Variants in CUL9 observed in about 807,000 individuals in gnomAD.
The protein encoded by CUL9 is cullin 9, also known as cullin-9.
CUL9 carries 79 observed loss-of-function variants against 272.6 expected under a neutral mutation model. The observed-to-expected ratio is 0.29, with a 90% CI of 0.24 to 0.35. CUL9 has a LOEUF of 0.35. Among genes scored for constraint, CUL9 ranks in the 10% least tolerant of loss-of-function variants. The pLI, the probability that CUL9 is intolerant of heterozygous loss-of-function variation, is 1.00. For synonymous variants in CUL9, 1,186 were observed against 1,286.5 expected (o/e 0.92, Z 1.67); for missense variants, 2,532 against 3,255.6 (o/e 0.78, Z 5.41).
intron 8 of CUL9, among the ~76,000 whole-genome samples, chr6:43,192,487 A>T (rs1773615992): frequency 6.6e-6 from 1 of 152,192 alleles, no homozygotes; most frequent in Non-Finnish European, 1.5e-5. Context: ...TCTGGGAAAC[A>T]TAGCGAAACC....
intron 31 of CUL9, among the ~76,000 whole-genome samples, chr6:43,217,704 C>T (rs1297833352): frequency 1.3e-5 from 2 of 152,236 alleles, no homozygotes; most frequent in Admixed American, 6.5e-5. Context: ...TCTCCTCTCA[C>T]ATAGTTGCTT....
Position 43,203,045 on chromosome 6 carries a change from A to G in CUL9, c.3754-64A>G. On this transcript the variant is annotated intron_variant, in intron 17 of 40. Coordinates refer to ENST00000252050, the MANE Select transcript of CUL9 (RefSeq NM_015089.4). This position sits in a 1 kb window ranked among gnomAD's most constrained non-coding sequence, Gnocchi z 5.0. ...ACCATGACCGACTTGGTTACTGTCA[A>G]CAATTTTTCCAACCTTGTTTCTGGA... is the stretch of plus-strand genomic sequence containing the variant. 6.3e-7 allele frequency: 1 copy of G among 1,575,416 alleles called. No homozygotes were observed. Among genetic ancestry groups the G allele is most frequent in the South Asian group, 1.1e-5 (1 of 90,154 alleles).
At chr6:43,209,237 C>T (rs12209579) in intron 26 of CUL9, among the ~76,000 whole-genome samples, 1 of 151,442 alleles carries the variant, frequency 6.6e-6, no homozygotes, top group African/African-American at 2.4e-5. Flanking sequence ...GCTCTGCCTC[C>T]CGGGTTCACA....
chr6:43,204,556 G>T lies in CUL9; in HGVS notation c.4339+17G>T. The stretch of plus-strand genomic sequence containing the variant: ...CTCGGCCCTGTAAGTCCCAGCTGTG[G>T]CCAGTGGAGCTGACTCTGCGGACAG... On this transcript the variant is annotated intron_variant, in intron 21 of 40. Coordinates refer to ENST00000252050, the MANE Select transcript of CUL9 (RefSeq NM_015089.4). 6.2e-7 allele frequency: 1 copy of T among 1,613,618 alleles called. No homozygotes were observed. The highest frequency in any genetic ancestry group is 8.5e-7 in the Non-Finnish European group (1 of 1,179,854).
Position 43,213,176 on chromosome 6 carries a change from G to A in CUL9, c.5240G>A (p.Gly1747Glu). ...QSQNHPVLDM[G>E]PHRRLQWTWL... ...CAGAACCATCCAGTCCTGGACATGGGACCACATCGGCGACTGCAGTGGACG... is the reference window on the plus strand; with the variant it reads ...CAGAACCATCCAGTCCTGGACATGGAACCACATCGGCGACTGCAGTGGACG... The change falls in exon 27 of 41, where the codon GGA becomes GAA. Residue 1747 changes from glycine (G) to glutamate (E), a missense_variant. Transcript: ENST00000252050. This position sits in a 1 kb window ranked among gnomAD's most constrained non-coding sequence, Gnocchi z 5.7. The A allele has an allele frequency of 1.2e-6, 2 of 1,614,120 alleles. No individual in the cohort carries two copies. Among genetic ancestry groups the A allele is most frequent in the South Asian group, 1.1e-5 (1 of 91,070 alleles).
chr6:43,222,577 T>C lies in CUL9; in HGVS notation c.6968T>C (p.Val2323Ala), dbSNP rs750686446. The C allele has an allele frequency of 1.2e-6, 2 of 1,613,540 alleles. No homozygotes were observed. The highest frequency in any genetic ancestry group is 1.3e-5 in the African/African-American group (1 of 74,878). The change falls in exon 37 of 41, where the codon GTG becomes GCG. Residue 2323 changes from valine to alanine, a missense_variant. Coordinates refer to ENST00000252050, the MANE Select transcript of CUL9 (RefSeq NM_015089.4). ...AACCGGGTGTCTGCCATCCATGAAGTGCCCCCGCCCAGATCCTTCACCTTC... is the reference window on the plus strand; with the variant it reads ...AACCGGGTGTCTGCCATCCATGAAGCGCCCCCGCCCAGATCCTTCACCTTC... ...LRNRVSAIHE[V>A]PPPRSFTFLN... is the part of the protein sequence containing the mutation.
At chr6:43,202,843 T>C (rs765917208) in intron 17 of CUL9, 22 bp downstream of exon 17, 3 of 1,596,416 alleles carry the variant, frequency 1.9e-6, no homozygotes, top group Admixed American at 3.3e-5. Flanking sequence ...TGTGCCCACC[T>C]TCACCTTGCT....
chr6:43,185,078 A>C (rs1772784484), intron 2 of CUL9, among the ~76,000 whole-genome samples, 173 bp downstream of exon 2: 2 of 152,266 alleles, frequency 1.3e-5, no homozygotes, highest in South Asian at 4.1e-4. Flanking sequence ...AAAGAGGCTA[A>C]AATGATAGCC....
Position 43,199,379 on chromosome 6 carries a change from A to C in CUL9, c.3156+8A>C. The C allele has an allele frequency of 6.2e-7, 1 of 1,607,822 alleles. No homozygotes were observed. The highest frequency in any genetic ancestry group is 8.5e-7 in the Non-Finnish European group (1 of 1,174,782). ...CCTAGCAGTGACTCCGAGGTACCAG[A>C]ACCCTGGCAAGGAGAAGAGAGGGAA... On this transcript the variant is annotated splice_region_variant and intron_variant, in intron 13 of 40. Transcript: ENST00000252050. This position sits in a 1 kb window ranked among gnomAD's most constrained non-coding sequence, Gnocchi z 4.4.
rs1164495025 is a variant in CUL9 at position 43,200,240 on chromosome 6, C to T, written c.3384+84C>T. On this transcript the variant is annotated intron_variant, in intron 14 of 40. Transcript: ENST00000252050. This position sits in a 1 kb window ranked among gnomAD's most constrained non-coding sequence, Gnocchi z 4.0. ...GATTCACTGTGTTCCTCTTTGGTAT[C>T]CCTGTTTGGCACAGGTTGTAGCAAA... is the stretch of plus-strand genomic sequence containing the variant. 4.8e-6 allele frequency: 7 copies of T among 1,460,956 alleles called. No homozygotes were observed. Among genetic ancestry groups the T allele is most frequent in the Non-Finnish European group, 6.6e-6 (7 of 1,060,956 alleles). 90.5% of individuals were successfully genotyped at this position (1,460,956 alleles called of 1,614,324 possible).
rs139797812 is a variant in CUL9 at position 43,205,157 on chromosome 6, C to G, written c.4632+42C>G. On this transcript the variant is annotated intron_variant, in intron 23 of 40. Transcript: ENST00000252050. The stretch of plus-strand genomic sequence containing the variant: ...CCCCACAGGGCTATAAGCTTGTGTT[C>G]CAAGTTCATCTCTTTCTGCTCTGCC... The G allele has an allele frequency of 3.8e-4, 604 of 1,574,068 alleles. 1 individual carries two copies. In the African/African-American group the frequency reaches 6.5e-3, roughly 17 times the overall value.
chr6:43,218,361 C>T lies in CUL9; in HGVS notation c.6282+1858C>T, dbSNP rs1776082283. Among the ~76,000 whole-genome samples the T allele has an allele frequency of 6.6e-6, 1 of 152,026 alleles. No homozygotes were observed. Among genetic ancestry groups the T allele is most frequent in the Non-Finnish European group, 1.5e-5 (1 of 67,994 alleles). ...CCTCCCGAGTAGCTGGGACTATAGG[C>T]GCCCGCCACCGCGCCCGGCTAATTT... is the stretch of plus-strand genomic sequence containing the variant. On this transcript the variant is annotated intron_variant, in intron 31 of 40. Coordinates refer to ENST00000252050, the MANE Select transcript of CUL9 (RefSeq NM_015089.4). The surrounding 1 kb of genome is among the most constrained non-coding windows in gnomAD (Gnocchi z 4.4).
Position 43,199,743 on chromosome 6 carries a change from A to C in CUL9, c.3157-186A>C, listed in dbSNP as rs535318702. ...GCTGTGCCCAAGCTCTGTTCTGCCA[A>C]CTCACTCTGGAGTCCCAGCACTCCT... On this transcript the variant is annotated intron_variant, in intron 13 of 40. Transcript: ENST00000252050. This position sits in a 1 kb window ranked among gnomAD's most constrained non-coding sequence, Gnocchi z 4.4. Among the ~76,000 whole-genome samples the C allele has an allele frequency of 1.7e-4, 26 of 152,150 alleles. No individual in the cohort carries two copies. In the South Asian group the frequency reaches 5.2e-3, roughly 30 times the overall value.
At chr6:43,189,583 A>T (rs542804888) in intron 8 of CUL9, among the ~76,000 whole-genome samples, 1 of 151,772 alleles carries the variant, frequency 6.6e-6, no homozygotes, top group East Asian at 2.0e-4. Flanking sequence ...TCACTCTGTC[A>T]CCCAGGCTAG....
At chr6:43,190,537 T>C (rs897501224) in intron 8 of CUL9, among the ~76,000 whole-genome samples, 1 of 152,134 alleles carries the variant, frequency 6.6e-6, no homozygotes. Context: ...TCAAGTGAGA[T>C]TGACAGAAAA....
At chr6:43,222,246 C>A in intron 35 of CUL9, 70 bp from the exon 36 acceptor site, 3 of 1,304,978 alleles carry the variant, frequency 2.3e-6, no homozygotes, top group Non-Finnish European at 3.3e-6. Flanking sequence ...TGAATGTTGG[C>A]TTTTCCACTT....
intron 26 of CUL9, among the ~76,000 whole-genome samples, chr6:43,210,999 T>C (rs952838498): frequency 6.6e-6 from 1 of 152,258 alleles, no homozygotes; most frequent in Non-Finnish European, 1.5e-5. Context: ...AATACCCTTG[T>C]ATTTTTAACC....
intron 31 of CUL9, among the ~76,000 whole-genome samples, chr6:43,217,175 G>A (rs2150634295): frequency 6.6e-6 from 1 of 152,230 alleles, no homozygotes; most frequent in Admixed American, 6.5e-5. Flanking sequence ...GGGCAACATG[G>A]CAAGACCCCG....
chr6:43,213,488 G>A lies in CUL9; in HGVS notation c.5409G>A (p.Leu1803=). ...LLKDSDLSPE[L]LLQALVPLTS... ...AGGATTCTGACCTCTCCCCAGAGCT[G>A]CTGCTCCAGGCACTCGTGCCCCTCA... Residue 1803 remains leucine, a synonymous_variant, in exon 28 of 41, where the codon CTG becomes CTA. Transcript: ENST00000252050. The surrounding 1 kb of genome is among the most constrained non-coding windows in gnomAD (Gnocchi z 5.7). The A allele has an allele frequency of 6.2e-7, 1 of 1,614,022 alleles. No homozygotes were observed. The highest frequency in any genetic ancestry group is 8.5e-7 in the Non-Finnish European group (1 of 1,180,016).
Sources: allele counts gnomAD v4.1 joint callset (sites outside exome capture counted in the v4.1 genomes callset), GRCh38; gene constraint gnomAD v4.1.1; non-coding constraint Gnocchi (gnomAD v3.1); transcripts MANE v1.5; gene names NCBI Gene and HGNC (gene_info 2026-07-23, HGNC 2026-07-21).